Variants in MACROD2 observed in about 807,000 individuals in gnomAD.
The protein encoded by MACROD2 is mono-ADP ribosylhydrolase 2, also known as ADP-ribose glycohydrolase MACROD2.
MACROD2 carries 36 observed loss-of-function variants against 70.4 expected under a neutral mutation model. The observed-to-expected ratio is 0.51, with a 90% CI of 0.39 to 0.68. The LOEUF (loss-of-function observed/expected upper bound fraction) is 0.68. MACROD2 is among the 30% of genes least tolerant of loss of function. MACROD2 has a pLI of 0.00. For synonymous variants in MACROD2, 172 were observed against 178.8 expected, an observed-to-expected ratio of 0.96 and a Z score of 0.30; for missense variants, 496 against 538.4, an observed-to-expected ratio of 0.92 and a Z score of 0.78.
chr20:14,963,917 A>G (rs1014595315), intron 5 of MACROD2, among the ~76,000 whole-genome samples: 1 of 152,164 alleles, frequency 6.6e-6, no homozygotes, highest in Non-Finnish European at 1.5e-5. Context: ...AATGCATAGG[A>G]TATCAATGGC....
chr20:14,789,492 T>TTTTTTTTTA (rs2072422284), intron 5 of MACROD2, among the ~76,000 whole-genome samples: 2 of 139,304 alleles, frequency 1.4e-5, no homozygotes, highest in Non-Finnish European at 1.5e-5. Context: ...TTTTTTTTTT[T>TTTTTTTTTA]GAGATGGAGT....
chr20:15,896,471 T>A (rs564744406), intron 10 of MACROD2, among the ~76,000 whole-genome samples: 1 of 151,996 alleles, frequency 6.6e-6, no homozygotes, highest in East Asian at 1.9e-4. Flanking sequence ...AGAATTTTTT[T>A]AAAGTACAGA....
At chr20:14,601,140 C>A (rs1982470761) in intron 4 of MACROD2, among the ~76,000 whole-genome samples, 1 of 152,158 alleles carries the variant, frequency 6.6e-6, no homozygotes, top group Non-Finnish European at 1.5e-5. Flanking sequence ...AGCACCAGGG[C>A]TGACTTATCC....
At chr20:14,497,680 C>T (rs1469495410) in intron 4 of MACROD2, among the ~76,000 whole-genome samples, 4 of 151,686 alleles carry the variant, frequency 2.6e-5, no homozygotes, top group South Asian at 2.1e-4. Flanking sequence ...TTTAAAATGA[C>T]GGTTCCTGAC....
intron 6 of MACROD2, among the ~76,000 whole-genome samples, chr20:15,331,563 T>A (rs1246342606): frequency 2.6e-5 from 4 of 151,666 alleles, no homozygotes; most frequent in Non-Finnish European, 5.9e-5. Context: ...ATAACTGAGC[T>A]TCAGACAATT....
intron 3 of MACROD2, among the ~76,000 whole-genome samples, chr20:14,351,702 T>A (rs2083124674): frequency 6.6e-6 from 1 of 152,198 alleles, no homozygotes; most frequent in Non-Finnish European, 1.5e-5. Flanking sequence ...TTTGTCTTCT[T>A]CCTTTCCAAT....
chr20:16,046,822 A>C (rs1285954405), intron 17 of MACROD2, among the ~76,000 whole-genome samples: 1 of 151,700 alleles, frequency 6.6e-6, no homozygotes, highest in Non-Finnish European at 1.5e-5. Context: ...CTGGGATTAC[A>C]GTCGCGTACC....
chr20:15,601,616 T>G (rs1239798075), intron 8 of MACROD2, among the ~76,000 whole-genome samples: 1 of 152,184 alleles, frequency 6.6e-6, no homozygotes, highest in Admixed American at 6.5e-5. Context: ...TACCGTTAGT[T>G]TATTGGCTCT....
chr20:14,653,715 G>A (rs1392203079), intron 4 of MACROD2, among the ~76,000 whole-genome samples: 1 of 152,120 alleles, frequency 6.6e-6, no homozygotes, highest in African/African-American at 2.4e-5. Context: ...GACCTCATTT[G>A]TACACCTCAG....
At chr20:15,694,494 G>A (rs567733677) in intron 8 of MACROD2, among the ~76,000 whole-genome samples, 9 of 151,836 alleles carry the variant, frequency 5.9e-5, no homozygotes, top group Admixed American at 6.6e-5. Context: ...TCATATATTT[G>A]TTGGCCATTT....
chr20:15,653,006 C>T (rs944329276), intron 8 of MACROD2, among the ~76,000 whole-genome samples: 2 of 151,854 alleles, frequency 1.3e-5, no homozygotes, highest in South Asian at 2.1e-4. Flanking sequence ...TAATGTTGGG[C>T]GAGGAATTCA....
At chr20:15,937,359 A>G (rs2065680073) in intron 11 of MACROD2, 117 bp from the exon 12 acceptor site, 2 of 860,150 alleles carry the variant, frequency 2.3e-6, no homozygotes, top group Non-Finnish European at 2.0e-6. Context: ...GTATTCAAGC[A>G]TGCGGCAGGC....
intron 3 of MACROD2, among the ~76,000 whole-genome samples, chr20:14,164,308 T>C (rs969993243): frequency 1.3e-5 from 2 of 152,142 alleles, no homozygotes; most frequent in African/African-American, 4.8e-5. Flanking sequence ...GGATGCCAGG[T>C]GGGCCAGTTT....
chr20:15,150,397 A>G (rs144664829), intron 5 of MACROD2, among the ~76,000 whole-genome samples: 3,563 of 152,134 alleles, frequency 0.023, 166 homozygotes, highest in African/African-American at 0.082. Flanking sequence ...TGGATAGGCA[A>G]AGCAATTTGG....
intron 5 of MACROD2, among the ~76,000 whole-genome samples, chr20:15,212,568 G>A (rs754790090): frequency 2.6e-5 from 4 of 152,180 alleles, no homozygotes; most frequent in Non-Finnish European, 5.9e-5. Flanking sequence ...ACAGGGCAAG[G>A]CAAGCCAGGA....
intron 6 of MACROD2, among the ~76,000 whole-genome samples, chr20:15,365,172 G>T (rs2045390736): frequency 6.6e-6 from 1 of 151,564 alleles, no homozygotes; most frequent in Non-Finnish European, 1.5e-5. Flanking sequence ...CTTTGGGGCG[G>T]GGCGGGGGTC....
rs946990844 is a variant in MACROD2 at position 16,046,656 on chromosome 20, A to G, written c.1300+2017A>G. On this transcript the variant is annotated intron_variant, in intron 17 of 17. Coordinates refer to ENST00000684519, the MANE Select transcript of MACROD2 (RefSeq NM_001351661.2). ...AAAAATGAACTCATATGTTAACCCA[A>G]ATGAATCAGGTGTCAAAACTTTTTT... is the stretch of plus-strand genomic sequence containing the variant. Among the ~76,000 whole-genome samples, 39 of 151,186 alleles carry G rather than the reference A, an allele frequency of 2.6e-4. 1 individual carries two copies. The highest frequency in any genetic ancestry group is 8.3e-4 in the African/African-American group (34 of 41,136).
intron 3 of MACROD2, among the ~76,000 whole-genome samples, chr20:14,425,746 C>G (rs1275464887): frequency 6.6e-6 from 1 of 152,152 alleles, no homozygotes; most frequent in Non-Finnish European, 1.5e-5. Context: ...CACCGTTACC[C>G]TGGGGACTCT....
At chr20:14,717,046 G>T (rs1380933875) in intron 5 of MACROD2, among the ~76,000 whole-genome samples, 1 of 151,956 alleles carries the variant, frequency 6.6e-6, no homozygotes, top group Non-Finnish European at 1.5e-5. Context: ...AAATTTGGGG[G>T]TATTGAACCT....
Sources: allele counts gnomAD v4.1 joint callset (sites outside exome capture counted in the v4.1 genomes callset), GRCh38; gene constraint gnomAD v4.1.1; transcripts MANE v1.5; gene names NCBI Gene and HGNC (gene_info 2026-07-23, HGNC 2026-07-21).